ZNF888: variants seen among roughly 807,000 people sequenced by gnomAD.
The protein encoded by ZNF888 is CTD-2331H12.6.
Under a neutral mutation model 7.2 loss-of-function variants are expected in ZNF888, and 5 were observed. The ratio of observed to expected loss-of-function variants is 0.70; its 90% CI spans 0.36 to 1.46. The LOEUF (loss-of-function observed/expected upper bound fraction) is 1.46. Among genes scored for constraint, ZNF888 ranks in the 40% most tolerant of loss-of-function variants. ZNF888 has a pLI of 0.03. For synonymous variants in ZNF888, 240 were observed against 284.3 expected (o/e 0.84, Z 1.57); for missense variants, 716 against 858.0 (o/e 0.83, Z 2.07).
intron 4 of ZNF888, among the ~76,000 whole-genome samples, chr19:52,911,317 A>G (rs1273296684): frequency 6.6e-6 from 1 of 150,438 alleles, no homozygotes; most frequent in Non-Finnish European, 1.5e-5. Context: ...CCAGCAGTCT[A>G]AGCTATTTCT....
At chr19:52,923,286 G>C (rs2064843145) in intron 1 of ZNF888, 83 bp downstream of exon 1, 1 of 985,068 alleles carries the variant, frequency 1.0e-6, no homozygotes, top group Non-Finnish European at 1.2e-6. Flanking sequence ...GAATTTCCAG[G>C]TCTGTGGAGA....
In ZNF888 at chr19:52,907,713, CT is replaced by C; in HGVS notation, c.608del (p.Gln203ArgfsTer32). 6.2e-7 allele frequency: 1 copy of C among 1,612,722 alleles called. No homozygotes were observed. The highest frequency in any genetic ancestry group is 8.5e-7 in the Non-Finnish European group (1 of 1,179,428). On this transcript the variant is annotated frameshift_variant, in exon 5 of 5. Transcript: ENST00000638862. LOFTEE classifies it low-confidence loss of function (END_TRUNC). ...TTTCTTTCCTGTGTACATCCTGTTT[CT>C]GTGTGAGTAATGAAGAATGGAAGAA... Reference protein sequence around the residue: ...NNFFHSSLLTQKQDVHRKEKS... With the variant: ...NNFFHSSLLTXKQDVHRKEKS...
chr19:52,923,011 G>C (rs2064840170), intron 1 of ZNF888, among the ~76,000 whole-genome samples: 1 of 152,106 alleles, frequency 6.6e-6, no homozygotes, highest in African/African-American at 2.4e-5. Context: ...GTCAGCGCTG[G>C]GCTCCAGGGG....
chr19:52,910,145 GTC>G (rs2064659743), intron 4 of ZNF888, among the ~76,000 whole-genome samples: 1 of 102,630 alleles, frequency 9.7e-6, no homozygotes, highest in Non-Finnish European at 1.9e-5. Flanking sequence ...GCGAGACTTC[GTC>G]TCAAAAAAAA....
At chr19:52,921,916 C>T (rs934945199) in intron 1 of ZNF888, among the ~76,000 whole-genome samples, 1 of 151,738 alleles carries the variant, frequency 6.6e-6, no homozygotes, top group African/African-American at 2.4e-5. Context: ...GCAACAAGAG[C>T]AAAACTGCAT....
intron 3 of ZNF888, 109 bp downstream of exon 3, chr19:52,917,750 G>C: frequency 6.3e-7 from 1 of 1,577,328 alleles, no homozygotes; most frequent in Non-Finnish European, 8.7e-7. Context: ...GTGAGTGTGA[G>C]CAAACCTGTC....
At chr19:52,914,950 C>G (rs915020555) in intron 4 of ZNF888, among the ~76,000 whole-genome samples, 5 of 152,196 alleles carry the variant, frequency 3.3e-5, no homozygotes, top group Admixed American at 3.3e-4. Flanking sequence ...CGTGAGCCAC[C>G]ATGCCCAGCC....
Position 52,905,349 on chromosome 19 carries a change from C to T in ZNF888, c.*816G>A, listed in dbSNP as rs11883092. The T allele has an allele frequency of 0.37, 56,020 of 149,934 alleles. 13,658 individuals carry two copies. Among genetic ancestry groups the T allele is most frequent in the African/African-American group, 0.69 (27,406 of 39,940 alleles). The allele number at this position is 149,934 out of a possible 1,614,324, so 9.3% of individuals were successfully genotyped here. On this transcript the variant is annotated 3_prime_UTR_variant, in exon 5 of 5. Transcript: ENST00000638862. ...AGAGAACAACCCCCTTTGATTGTAA[C>T]TTTCCACTACCTACCCAAATCCTAT...
intron 1 of ZNF888, among the ~76,000 whole-genome samples, chr19:52,919,961 GGCCA>G: frequency 1.7e-5 from 1 of 57,840 alleles, no homozygotes; most frequent in African/African-American, 7.0e-5. Flanking sequence ...CCCTCTGCCC[GGCCA>G]GCCGCCCCGT....
chr19:52,921,269 G>A (rs2064820207), intron 1 of ZNF888, among the ~76,000 whole-genome samples: 1 of 152,230 alleles, frequency 6.6e-6, no homozygotes, highest in Admixed American at 6.5e-5. Flanking sequence ...ACTGGCAGGG[G>A]CCCTGGACAC....
At chr19:52,915,912 A>G (rs999778813) in intron 3 of ZNF888, among the ~76,000 whole-genome samples, 1 of 152,296 alleles carries the variant, frequency 6.6e-6, no homozygotes, top group Non-Finnish European at 1.5e-5. Context: ...TGAAACTTTT[A>G]TGGACACACC....
chr19:52,916,615 C>CATATACATATACATACATATAT (rs374760326), intron 3 of ZNF888, among the ~76,000 whole-genome samples: 5 of 131,482 alleles, frequency 3.8e-5, no homozygotes, highest in African/African-American at 1.5e-4. Flanking sequence ...TATACATATA[C>CATATACATATACATACATATAT]ATATATATAT....
In ZNF888 at chr19:52,907,959, A is replaced by G; in HGVS notation, c.363T>C (p.Ser121=). The G allele has an allele frequency of 9.3e-6, 15 of 1,614,116 alleles. No homozygotes were observed. Among genetic ancestry groups the G allele is most frequent in the Non-Finnish European group, 1.3e-5 (15 of 1,180,012 alleles). Residue 121 remains serine, a synonymous_variant, in exon 5 of 5, where the codon AGT becomes AGC. Coordinates refer to ENST00000638862, the MANE Select transcript of ZNF888 (RefSeq NM_001393938.1). ...PMTEIKELTG[S]TDQYDQRHAG... Reference sequence around the variant, plus strand: ...CATGCCTTTGATCATATTGGTCTGTACTACCCGTCAACTCTTTGATTTCTG... The same window carrying G: ...CATGCCTTTGATCATATTGGTCTGTGCTACCCGTCAACTCTTTGATTTCTG...
At position 52,918,051 on chromosome 19, in the gene ZNF888, C is replaced by T. The variant is rs538963616; in HGVS notation, c.-58-120G>A. ...ACCTCACCCTGGGAAATATGGTCCA[C>T]TCTGCTGCCCACCATACCAGGGACA... On this transcript the variant is annotated intron_variant, in intron 2 of 4. Coordinates refer to ENST00000638862, the MANE Select transcript of ZNF888 (RefSeq NM_001393938.1). 9 of 1,457,382 alleles carry T rather than the reference C, an allele frequency of 6.2e-6. No individual in the cohort carries two copies. In the Admixed American group the frequency reaches 1.3e-4, roughly 21 times the overall value. 90.3% of individuals were successfully genotyped at this position (1,457,382 alleles called of 1,614,324 possible).
rs1325904926 is a variant in ZNF888 at position 52,919,893 on chromosome 19, G to A, written c.-177-956C>T. 1.2e-4 allele frequency among the ~76,000 whole-genome samples: 7 copies of A among 58,138 alleles called. 1 individual carries two copies. The highest frequency in any genetic ancestry group is 6.4e-4 in the East Asian group (2 of 3,142). The allele number at this position is 58,138 out of a possible 152,430, so 38.1% of individuals were successfully genotyped here. A position where few individuals can be genotyped will look rare whatever the true frequency, so the allele number is the denominator to read the frequency against. On this transcript the variant is annotated intron_variant, in intron 1 of 4. Coordinates refer to ENST00000638862, the MANE Select transcript of ZNF888 (RefSeq NM_001393938.1). ...AAACCCTCTGCCTGGCAACCGCCCC[G>A]TCTGAGAAGTGAGGAGCCCCTCCGT...
chr19:52,919,969 GCCCCGTCC>G (rs2064804456), intron 1 of ZNF888, among the ~76,000 whole-genome samples: 1 of 50,096 alleles, frequency 2.0e-5, no homozygotes, highest in African/African-American at 8.5e-5. Context: ...CCGGCCAGCC[GCCCCGTCC>G]GGGAGGTGAG....
chr19:52,916,521 T>A (rs2064750293), intron 3 of ZNF888, among the ~76,000 whole-genome samples: 1 of 151,116 alleles, frequency 6.6e-6, no homozygotes, highest in Non-Finnish European at 1.5e-5. Flanking sequence ...TGTGTGTACC[T>A]ATATATGTGT....
At position 52,906,122 on chromosome 19, in the gene ZNF888, C is replaced by T. The variant is rs2064604212; in HGVS notation, c.*43G>A. ...TCATTATGGATTCTTCAATGATTTG[C>T]AATGGTTGTAGCGTTACTGAAGACT... On this transcript the variant is annotated 3_prime_UTR_variant, in exon 5 of 5. Transcript: ENST00000638862. The T allele has an allele frequency of 3.1e-6, 5 of 1,612,210 alleles. No individual in the cohort carries two copies. Among genetic ancestry groups the T allele is most frequent in the Non-Finnish European group, 4.2e-6 (5 of 1,178,700 alleles).
rs563958060 is a variant in ZNF888 at position 52,908,148 on chromosome 19, T to C, written c.174A>G (p.Ser58=). Residue 58 remains serine (S), a synonymous_variant, in exon 5 of 5, where the codon TCA becomes TCG. Transcript: ENST00000638862. ...CTTCTGTATTGCCTTTCCCTATTGA[T>C]GAGAACTCCATCATGCATTTGGAAG... ...DISSKCMMEF[S]SIGKGNTEVI... 6.2e-7 allele frequency: 1 copy of C among 1,614,120 alleles called. No individual in the cohort carries two copies. Among genetic ancestry groups the C allele is most frequent in the South Asian group, 1.1e-5 (1 of 91,078 alleles).
Sources: gnomAD v4.1 joint callset for allele counts (sites outside exome capture counted in the v4.1 genomes callset) on GRCh38, gnomAD v4.1.1 for gene constraint, MANE v1.5 for transcripts, NCBI Gene and HGNC (gene_info 2026-07-23, HGNC 2026-07-21) for gene names.